NRG3: variants seen among roughly 807,000 people sequenced by gnomAD.
NRG3 encodes pro-neuregulin-3, membrane-bound isoform.
A neutral mutation model predicts 66.9 loss-of-function variants in NRG3; 31 were observed. The ratio of observed to expected loss-of-function variants is 0.46; its 90% CI spans 0.35 to 0.63. The LOEUF is 0.63. Ranked by LOEUF, NRG3 falls within the 20% of genes least tolerant of loss-of-function variation. The probability of loss-of-function intolerance (pLI) is 0.00; values close to 1 mark genes in which losing one functional copy is unlikely to be tolerated. For synonymous variants in NRG3, 393 were observed against 359.4 expected, an observed-to-expected ratio of 1.09 and a Z score of -1.06; for missense variants, 910 against 878.9, an observed-to-expected ratio of 1.04 and a Z score of -0.45.
intron 2 of NRG3, among the ~76,000 whole-genome samples, chr10:82,498,686 C>CT (rs1843844771): frequency 6.6e-6 from 1 of 152,146 alleles, no homozygotes; most frequent in East Asian, 1.9e-4. Flanking sequence ...GAGAGAGTCA[C>CT]TCCCAACCGT....
At chr10:82,392,372 A>G (rs767113181) in intron 2 of NRG3, among the ~76,000 whole-genome samples, 13 of 152,214 alleles carry the variant, frequency 8.5e-5, no homozygotes, top group Non-Finnish European at 1.6e-4. Context: ...TTATAGGTCC[A>G]GGAAATATAT....
At chr10:82,719,199 G>A (rs2057150652) in intron 2 of NRG3, among the ~76,000 whole-genome samples, 1 of 152,168 alleles carries the variant, frequency 6.6e-6, no homozygotes, top group Admixed American at 6.5e-5. Flanking sequence ...TGTTTGTGGT[G>A]GAGGTGTGTG....
intron 2 of NRG3, among the ~76,000 whole-genome samples, chr10:82,640,874 T>C (rs1008430925): frequency 2.0e-5 from 3 of 152,240 alleles, no homozygotes; most frequent in Admixed American, 2.0e-4. Flanking sequence ...TAAAGTGCCT[T>C]GCAAATATTA....
intron 1 of NRG3, among the ~76,000 whole-genome samples, chr10:82,121,593 G>A (rs976407969): frequency 6.6e-6 from 1 of 152,082 alleles, no homozygotes; most frequent in Non-Finnish European, 1.5e-5. Flanking sequence ...TAGATGACAT[G>A]TTAGAGTTTT....
intron 1 of NRG3, among the ~76,000 whole-genome samples, chr10:82,313,125 C>T (rs1008807308): frequency 6.6e-6 from 1 of 151,990 alleles, no homozygotes; most frequent in Non-Finnish European, 1.5e-5. Context: ...TTGCAGTGAA[C>T]CGAGGTTGCG....
chr10:82,544,786 G>T (rs750760417), intron 2 of NRG3, among the ~76,000 whole-genome samples: 1 of 152,052 alleles, frequency 6.6e-6, no homozygotes, highest in Non-Finnish European at 1.5e-5. Flanking sequence ...ACTTATTATT[G>T]ATAGCTCCTA....
At chr10:82,228,828 G>T (rs559886421) in intron 1 of NRG3, 2 of 152,162 alleles carry the variant, frequency 1.3e-5, no homozygotes, top group South Asian at 2.1e-4. Context: ...TCTCTTATTT[G>T]CAACAATGCA....
chr10:82,470,249 A>T lies in NRG3; in HGVS notation c.953+111381A>T, dbSNP rs560469316. Among the ~76,000 whole-genome samples, 203 of 152,348 alleles carry T rather than the reference A, an allele frequency of 1.3e-3. 1 individual carries two copies. Among genetic ancestry groups the T allele is most frequent in the African/African-American group, 4.6e-3 (191 of 41,584 alleles). On this transcript the variant is annotated intron_variant, in intron 2 of 8. Transcript: ENST00000372141. ...TGCAGTAAAGATATCTTTCAGTGAG[A>T]GTCAAGAAACTTGGTAGAAATCGCT... is the stretch of plus-strand genomic sequence containing the variant.
At chr10:82,031,390 A>T (rs946160322) in intron 1 of NRG3, among the ~76,000 whole-genome samples, 1 of 152,110 alleles carries the variant, frequency 6.6e-6, no homozygotes, top group Non-Finnish European at 1.5e-5. Context: ...TCAACCTTTA[A>T]TTATAATATT....
intron 4 of NRG3, among the ~76,000 whole-genome samples, chr10:82,907,207 T>G (rs1292782755): frequency 6.6e-6 from 1 of 152,218 alleles, no homozygotes; most frequent in Non-Finnish European, 1.5e-5. Context: ...TCACTGAGTT[T>G]TAGTTCACTG....
intron 1 of NRG3, among the ~76,000 whole-genome samples, chr10:82,165,579 T>A (rs2071974227): frequency 6.6e-6 from 1 of 152,056 alleles, no homozygotes; most frequent in South Asian, 2.1e-4. Context: ...GATCATTTTT[T>A]TCCTCATTGT....
chr10:82,963,299 A>C (rs940585914), intron 6 of NRG3, among the ~76,000 whole-genome samples: 1 of 152,218 alleles, frequency 6.6e-6, no homozygotes, highest in Non-Finnish European at 1.5e-5. Flanking sequence ...CATAGACTTA[A>C]TGTACCCTAA....
At chr10:82,902,837 A>C (rs2131894192) in intron 4 of NRG3, among the ~76,000 whole-genome samples, 1 of 152,146 alleles carries the variant, frequency 6.6e-6, no homozygotes. Flanking sequence ...GAGATCTTTG[A>C]GTTTTTGGGT....
chr10:81,881,654 C>A (rs1293237278), intron 1 of NRG3, among the ~76,000 whole-genome samples: 1 of 152,078 alleles, frequency 6.6e-6, no homozygotes, highest in East Asian at 1.9e-4. Flanking sequence ...TTGGTTGACT[C>A]CGAAAGTTTG....
chr10:82,034,282 A>G (rs950839946), intron 1 of NRG3, among the ~76,000 whole-genome samples: 1 of 152,088 alleles, frequency 6.6e-6, no homozygotes, highest in African/African-American at 2.4e-5. Context: ...AGATATGTTT[A>G]CACAAAATTG....
intron 1 of NRG3, among the ~76,000 whole-genome samples, chr10:82,183,196 A>T (rs938931539): frequency 6.6e-6 from 1 of 151,742 alleles, no homozygotes; most frequent in African/African-American, 2.4e-5. Context: ...CTGTCCAGTA[A>T]TTTTTTAAAT....
intron 1 of NRG3, among the ~76,000 whole-genome samples, chr10:81,919,579 G>T (rs1846055722): frequency 6.6e-6 from 1 of 152,058 alleles, no homozygotes; most frequent in Non-Finnish European, 1.5e-5. Context: ...GGGATAAAAA[G>T]ATTGTGTGTT....
At chr10:82,371,627 A>G (rs927272708) in intron 2 of NRG3, among the ~76,000 whole-genome samples, 6 of 152,128 alleles carry the variant, frequency 3.9e-5, no homozygotes, top group African/African-American at 1.4e-4. Context: ...TGTTGCTGTA[A>G]AGGAATACCT....
At chr10:81,993,774 G>A (rs771814259) in intron 1 of NRG3, among the ~76,000 whole-genome samples, 3 of 152,060 alleles carry the variant, frequency 2.0e-5, no homozygotes, top group Non-Finnish European at 4.4e-5. Flanking sequence ...TTTTGTAAAT[G>A]GTTTTATTTG....
Sources: allele counts gnomAD v4.1 joint callset (sites outside exome capture counted in the v4.1 genomes callset), GRCh38; gene constraint gnomAD v4.1.1; transcripts MANE v1.5; gene names NCBI Gene and HGNC (gene_info 2026-07-23, HGNC 2026-07-21).